The following NPY2R variants were observed in gnomAD, a reference collection of about 807,000 sequenced individuals.
NPY2R encodes the protein neuropeptide Y receptor type 2.
Under a neutral mutation model 22.3 loss-of-function variants are expected in NPY2R, and 17 were observed. The ratio of observed to expected loss-of-function variants is 0.76; its 90% confidence interval spans 0.52 to 1.14. NPY2R has a LOEUF of 1.14. Ranked by LOEUF, NPY2R falls within the 50% of genes most tolerant of loss-of-function variation. The pLI, the probability that NPY2R is intolerant of heterozygous loss-of-function variation, is 0.00. For missense variants in NPY2R, 424 were observed against 467.9 expected, an observed-to-expected ratio of 0.91 and a Z score of 0.87; for synonymous variants, 209 against 183.4, an observed-to-expected ratio of 1.14 and a Z score of -1.13.
At chr4:155,196,799 T>C in the NPY2R span, among the ~76,000 whole-genome samples, 1 of 151,916 alleles carries the variant, frequency 6.6e-6, no homozygotes, top group Non-Finnish European at 1.5e-5. Context: ...TCTCATCATC[T>C]GTATACTTAT....
At chr4:155,186,261 T>G in the NPY2R span, among the ~76,000 whole-genome samples, 2 of 152,216 alleles carry the variant, frequency 1.3e-5, no homozygotes, top group Non-Finnish European at 2.9e-5. Context: ...GACTTGTGAC[T>G]CAATTTAGTT....
At position 155,214,087 on chromosome 4, in the gene NPY2R, C is replaced by G; in HGVS notation, c.148C>G (p.Gln50Glu). ...LIDSTKLIEVQVVLILAYCSI... is the reference protein window; with the variant it reads ...LIDSTKLIEVEVVLILAYCSI... ...AGATAGTACCAAGCTGATTGAGGTA[C>G]AAGTTGTTCTCATATTGGCCTACTG... The change falls in exon 2 of 2, where the codon CAA becomes GAA. Residue 50 changes from glutamine to glutamate, a missense_variant. Physicochemically the swap from Gln to Glu is conservative, Grantham distance 29. Coordinates refer to ENST00000329476, the MANE Select transcript of NPY2R (RefSeq NM_000910.4). 1 of 1,613,960 alleles carries G rather than the reference C, an allele frequency of 6.2e-7. No individual in the cohort carries two copies. The highest frequency in any genetic ancestry group is 8.5e-7 in the Non-Finnish European group (1 of 1,179,854).
chr4:155,189,065 C>T, the NPY2R span, among the ~76,000 whole-genome samples: 38 of 152,158 alleles, frequency 2.5e-4, no homozygotes, highest in African/African-American at 6.7e-4. Context: ...TCTAATATTA[C>T]GATATGCCTT....
chr4:155,189,014 AC>A, the NPY2R span, among the ~76,000 whole-genome samples: 63 of 152,008 alleles, frequency 4.1e-4, no homozygotes, highest in Non-Finnish European at 8.7e-4. Flanking sequence ...TGGGATGGGG[AC>A]CAGAGACCTG....
the NPY2R span, among the ~76,000 whole-genome samples, chr4:155,200,543 C>T: frequency 6.6e-6 from 1 of 152,112 alleles, no homozygotes; most frequent in South Asian, 2.1e-4. Flanking sequence ...ACTTTAAAGA[C>T]ACACGTACAT....
rs34627394 is a variant in NPY2R at position 155,210,979 on chromosome 4, A to AT, written c.-49+1920dup. Among the ~76,000 whole-genome samples the AT allele has an allele frequency of 7.3e-3, 1,104 of 151,150 alleles. 6 individuals are homozygous for AT. The highest frequency in any genetic ancestry group is 0.023 in the African/African-American group (943 of 41,258). ...ATTAATTTAACAGGGTCTCAGGACA[A>AT]TTTTTTTTTTGTATAAGCAGTTATC... On this transcript the variant is annotated intron_variant, in intron 1 of 1. Coordinates refer to ENST00000329476, the MANE Select transcript of NPY2R (RefSeq NM_000910.4).
At chr4:155,181,627 C>T in the NPY2R span, among the ~76,000 whole-genome samples, 4 of 152,032 alleles carry the variant, frequency 2.6e-5, no homozygotes, top group Non-Finnish European at 5.9e-5. Context: ...GAGCTTTTGC[C>T]CCTTCCACCA....
At chr4:155,197,058 T>A in the NPY2R span, among the ~76,000 whole-genome samples, 954 of 151,980 alleles carry the variant, frequency 6.3e-3, 10 homozygotes, top group African/African-American at 0.022. Context: ...TTTGGGAAAA[T>A]TCAAAAAGAA....
chr4:155,190,031 A>G, the NPY2R span, among the ~76,000 whole-genome samples: 1 of 152,026 alleles, frequency 6.6e-6, no homozygotes, highest in Non-Finnish European at 1.5e-5. Flanking sequence ...CATCAGGGCT[A>G]ATGCTTAGAT....
the NPY2R span, among the ~76,000 whole-genome samples, chr4:155,187,499 A>G: frequency 0.47 from 70,445 of 151,490 alleles, 17,025 homozygotes; most frequent in East Asian, 0.69. Context: ...CAGTAGATAT[A>G]AAACCTAGAG....
rs751376043 is a variant in NPY2R at position 155,214,012 on chromosome 4, C to G, written c.73C>G (p.Gln25Glu). The G allele has an allele frequency of 6.2e-7, 1 of 1,613,910 alleles. No individual in the cohort carries two copies. Among genetic ancestry groups the G allele is most frequent in the Non-Finnish European group, 8.5e-7 (1 of 1,179,964 alleles). ...EEMKVEQYGP[Q>E]TTPRGELVPD... ...AATGAAGGTGGAACAATACGGGCCA[C>G]AAACAACTCCTAGAGGTGAACTGGT... Residue 25 changes from glutamine (Q) to glutamate (E), a missense_variant, in exon 2 of 2, where the codon CAA becomes GAA. Transcript: ENST00000329476.
chr4:155,179,654 A>C, the NPY2R span, among the ~76,000 whole-genome samples: 1 of 152,096 alleles, frequency 6.6e-6, no homozygotes, highest in East Asian at 1.9e-4. Context: ...TTTCCAAGGA[A>C]TTTGTCTTAT....
the NPY2R span, among the ~76,000 whole-genome samples, chr4:155,182,737 G>A: frequency 6.6e-6 from 1 of 152,002 alleles, no homozygotes; most frequent in Admixed American, 6.6e-5. Context: ...CTGAACATGG[G>A]GCACAGAGAG....
the NPY2R span, among the ~76,000 whole-genome samples, chr4:155,192,562 T>A: frequency 1.3e-5 from 2 of 151,994 alleles, no homozygotes; most frequent in African/African-American, 2.4e-5. Context: ...CTATAGACAT[T>A]CCTTGCTCTT....
chr4:155,204,351 A>C (rs1215231270), upstream of NPY2R, among the ~76,000 whole-genome samples: 1 of 152,160 alleles, frequency 6.6e-6, no homozygotes, highest in Non-Finnish European at 1.5e-5. Context: ...CTGAAATTTT[A>C]TACTGAACAC....
the NPY2R span, among the ~76,000 whole-genome samples, chr4:155,191,395 C>A: frequency 6.6e-6 from 1 of 151,886 alleles, no homozygotes; most frequent in Non-Finnish European, 1.5e-5. Context: ...AAATGTAATT[C>A]TCATAATCTT....
the NPY2R span, among the ~76,000 whole-genome samples, chr4:155,176,662 C>T: frequency 1.3e-5 from 2 of 152,042 alleles, no homozygotes; most frequent in Non-Finnish European, 2.9e-5. Context: ...TCTCTTCTGC[C>T]CTTGTGTAGT....
the NPY2R span, among the ~76,000 whole-genome samples, chr4:155,190,777 A>G: frequency 6.6e-6 from 1 of 151,888 alleles, no homozygotes; most frequent in Admixed American, 6.6e-5. Context: ...GGTTATGTCT[A>G]TATTCGTCAA....
chr4:155,207,032 A>C (rs1451626411), upstream of NPY2R: 1 of 152,244 alleles, frequency 6.6e-6, no homozygotes, highest in African/African-American at 2.4e-5. Flanking sequence ...GGAACTGTGT[A>C]GAACATGTTA....
Sources: gnomAD v4.1 joint callset for allele counts (sites outside exome capture counted in the v4.1 genomes callset) on GRCh38, gnomAD v4.1.1 for gene constraint, MANE v1.5 for transcripts, NCBI Gene and HGNC (gene_info 2026-07-23, HGNC 2026-07-21) for gene names.